Variants in HCFC1R1 observed in about 807,000 individuals in gnomAD.
HCFC1R1 encodes host cell factor C1 regulator 1.
A neutral mutation model predicts 13.3 loss-of-function variants in HCFC1R1; 17 were observed. The ratio of observed to expected loss-of-function variants is 1.28; its 90% CI spans 0.87 to 1.91. The LOEUF is 1.91. Ranked by LOEUF, HCFC1R1 falls within the 40% of genes most tolerant of loss-of-function variation. HCFC1R1 has a pLI of 0.00. For missense variants in HCFC1R1, 218 were observed against 177.9 expected, an observed-to-expected ratio of 1.23 and a Z score of -1.28; for synonymous variants, 87 against 71.1, an observed-to-expected ratio of 1.22 and a Z score of -1.12.
At position 3,023,481 on chromosome 16, in the gene HCFC1R1, C is replaced by T; in HGVS notation, c.145G>A (p.Glu49Lys). Residue 49 changes from glutamate (E) to lysine (K), a missense_variant, in exon 2 of 4, where the codon GAG (glutamate) becomes AAG (lysine). Coordinates refer to ENST00000248089, the MANE Select transcript of HCFC1R1 (RefSeq NM_017885.4). ...VPMSTKRRLEEEQEPLRKQFL... is the reference protein window; with the variant it reads ...VPMSTKRRLEKEQEPLRKQFL... The stretch of plus-strand genomic sequence containing the variant: ...CCCTGCCCCCAAACTCACTGCTCCT[C>T]CTCCAGGCGCCGCTTGGTGCTCATG... 1.2e-6 allele frequency: 2 copies of T among 1,612,704 alleles called. No homozygotes were observed. The highest frequency in any genetic ancestry group is 2.2e-5 in the South Asian group (2 of 91,032).
chr16:3,023,839 A>AC lies in HCFC1R1; in HGVS notation c.95+7dup, dbSNP rs772933847. 4 of 1,537,506 alleles carry AC rather than the reference A, an allele frequency of 2.6e-6. No homozygotes were observed. The East Asian group carries it at 9.7e-5, about 37-fold the overall frequency. On this transcript the variant is annotated splice_region_variant and intron_variant, in intron 1 of 3. Transcript: ENST00000248089. ...TTGGTCAGGCCCACCCTGGTCCCCTACACGCACCTGGCGTCCAGGCCCCAA... is the reference window on the plus strand; with the variant it reads ...TTGGTCAGGCCCACCCTGGTCCCCTACCACGCACCTGGCGTCCAGGCCCCAA...
chr16:3,023,443 G>C, intron 2 of HCFC1R1, 31 bp downstream of exon 2: 3 of 1,613,852 alleles, frequency 1.9e-6, no homozygotes, highest in Non-Finnish European at 2.5e-6. Flanking sequence ...CAGAGATCTT[G>C]TTGGGAGTCC....
rs748753546 is a variant in HCFC1R1, at chr16:3,023,330, C to T, written c.184G>A (p.Glu62Lys). ...TGAGAGAAGTGGGTGGCCATGTTCTCCTCAGACAGAAACTGCTTGCGCAGA... is the reference window on the plus strand; with the variant it reads ...TGAGAGAAGTGGGTGGCCATGTTCTTCTCAGACAGAAACTGCTTGCGCAGA... ...EPLRKQFLSE[E>K]NMATHFSQLS... is the part of the protein sequence containing the mutation. Residue 62 changes from glutamate to lysine, a missense_variant, in exon 3 of 4, where the codon GAG (glutamate) becomes AAG (lysine). Coordinates refer to ENST00000248089, the MANE Select transcript of HCFC1R1 (RefSeq NM_017885.4). The T allele has an allele frequency of 6.2e-7, 1 of 1,604,676 alleles. No homozygotes were observed. The highest frequency in any genetic ancestry group is 1.7e-5 in the Admixed American group (1 of 59,382).
chr16:3,022,942 G>A lies in HCFC1R1; in HGVS notation c.338C>T (p.Ala113Val), dbSNP rs1292968557. Reference protein sequence around the residue: ...WRYPGSLIPEALRLLRLGDTP... With the variant: ...WRYPGSLIPEVLRLLRLGDTP... ...GTCCCCCAGCCTCAGCAGACGGAGG[G>A]CCTCAGGGATGAGGCTGCCAGGATA... Residue 113 changes from alanine to valine, a missense_variant, in exon 4 of 4, where the codon GCC (alanine) becomes GTC (valine). By Grantham distance (64) the Ala-to-Val change is moderately conservative. Transcript: ENST00000248089. The A allele has an allele frequency of 1.1e-5, 18 of 1,577,334 alleles. No individual in the cohort carries two copies. The highest frequency in any genetic ancestry group is 2.0e-5 in the Admixed American group (1 of 48,858).
chr16:3,022,822 T>G lies in HCFC1R1; in HGVS notation c.*41A>C. 2 of 1,459,322 alleles carry G rather than the reference T, an allele frequency of 1.4e-6. No individual in the cohort carries two copies. The highest frequency in any genetic ancestry group is 1.8e-6 in the Non-Finnish European group (2 of 1,110,502). The allele number at this position is 1,459,322 out of a possible 1,614,324, so 90.4% of individuals were successfully genotyped here. A position where few individuals can be genotyped will look rare whatever the true frequency, so the allele number is the denominator to read the frequency against. ...CGGGAGTCGCTGGTCTCTTCTGTTG[T>G]GGGGAAGAAGGAAGGTGGGAGGGGC... On this transcript the variant is annotated 3_prime_UTR_variant, in exon 4 of 4. Coordinates refer to ENST00000248089, the MANE Select transcript of HCFC1R1 (RefSeq NM_017885.4).
chr16:3,024,180 C>A, upstream of HCFC1R1: 2 of 985,380 alleles, frequency 2.0e-6, no homozygotes, highest in Admixed American at 2.2e-5. Context: ...GCGGCGCTCA[C>A]CTCGGCTCCT....
chr16:3,023,157 G>C, intron 3 of HCFC1R1, 76 bp downstream of exon 3: 1 of 1,502,096 alleles, frequency 6.7e-7, no homozygotes, highest in Non-Finnish European at 9.0e-7. Flanking sequence ...AAAATGGCAC[G>C]ATGAGGCAGG....
chr16:3,023,565 T>C (rs1219932007), intron 1 of HCFC1R1, 35 bp from the exon 2 acceptor site: 23 of 1,530,984 alleles, frequency 1.5e-5, no homozygotes, highest in Non-Finnish European at 1.7e-5. Context: ...CACCCCACCC[T>C]CTTGGCCCCT....
Position 3,023,833 on chromosome 16 carries a change from TC to T in HCFC1R1, c.95+13del. 6.5e-7 allele frequency: 1 copy of T among 1,532,978 alleles called. No individual in the cohort carries two copies. The allele number at this position is 1,532,978 out of a possible 1,614,324, so 95.0% of individuals were successfully genotyped here. ...CGGCCCTTGGTCAGGCCCACCCTGGTCCCCTACACGCACCTGGCGTCCAGGC... is the reference window on the plus strand; with the variant it reads ...CGGCCCTTGGTCAGGCCCACCCTGGTCCCTACACGCACCTGGCGTCCAGGC... On this transcript the variant is annotated intron_variant, in intron 1 of 3. Coordinates refer to ENST00000248089, the MANE Select transcript of HCFC1R1 (RefSeq NM_017885.4).
chr16:3,023,868 AC>A lies in HCFC1R1; in HGVS notation c.73del (p.Val25Ter). ...GCACCTGGCGTCCAGGCCCCAAGTC[AC>A]CCCCAAGGCGGCCCGCGGGAGGCGC... is the stretch of plus-strand genomic sequence containing the variant. ...AQRLPRAALGVTWGLDASSPL... is the reference protein window; with the variant it reads ...AQRLPRAALGXTWGLDASSPL... On this transcript the variant is annotated frameshift_variant, in exon 1 of 4. Transcript: ENST00000248089. LOFTEE classifies it high-confidence loss of function. 2 of 1,548,148 alleles carry A rather than the reference AC, an allele frequency of 1.3e-6. No homozygotes were observed.
In HCFC1R1 at chr16:3,022,903, G is replaced by C. The variant is rs144052044; in HGVS notation, c.377C>G (p.Pro126Arg). Residue 126 changes from proline to arginine, a missense_variant, in exon 4 of 4, where the codon CCC (proline) becomes CGC (arginine). Transcript: ENST00000248089. Reference protein sequence around the residue: ...LLRLGDTPSPPYPATPAGDIM... With the variant: ...LLRLGDTPSPRYPATPAGDIM... ...GTCCCCAGCTGGGGTTGCAGGGTAG[G>C]GGGGACTGGGGGTGTCCCCCAGCCT... The C allele has an allele frequency of 1.3e-6, 2 of 1,558,498 alleles. No homozygotes were observed. The highest frequency in any genetic ancestry group is 4.8e-5 in the East Asian group (2 of 41,478).
rs774942155 is a variant in HCFC1R1, at chr16:3,022,904, G to A, written c.376C>T (p.Pro126Ser). The stretch of plus-strand genomic sequence containing the variant: ...TCCCCAGCTGGGGTTGCAGGGTAGG[G>A]GGGACTGGGGGTGTCCCCCAGCCTC... ...LLRLGDTPSP[P>S]YPATPAGDIM... Residue 126 changes from proline to serine, a missense_variant, in exon 4 of 4, where the codon CCC (proline) becomes TCC (serine). Physicochemically the swap from Pro to Ser is moderately conservative, Grantham distance 74. Coordinates refer to ENST00000248089, the MANE Select transcript of HCFC1R1 (RefSeq NM_017885.4). 1.3e-6 allele frequency: 2 copies of A among 1,558,524 alleles called. No homozygotes were observed. Among genetic ancestry groups the A allele is most frequent in the Non-Finnish European group, 1.7e-6 (2 of 1,163,392 alleles).
upstream of HCFC1R1, chr16:3,024,274 G>A (rs2072721613): frequency 1.2e-6 from 2 of 1,612,560 alleles, no homozygotes; most frequent in Non-Finnish European, 1.7e-6. Context: ...GGCACGTAAG[G>A]CCTCGTGAGG....
At chr16:3,023,129 A>G in intron 3 of HCFC1R1, 104 bp downstream of exon 3, 3 of 1,505,982 alleles carry the variant, frequency 2.0e-6, no homozygotes, top group Non-Finnish European at 2.7e-6. Context: ...GAAACAACCC[A>G]GAGGTCAGCT....
intron 3 of HCFC1R1, 43 bp downstream of exon 3, chr16:3,023,190 C>G: frequency 6.5e-7 from 1 of 1,527,240 alleles, no homozygotes; most frequent in South Asian, 1.3e-5. Flanking sequence ...CTGTGAGGAC[C>G]GCCTGTGATT....
Position 3,023,336 on chromosome 16 carries a change from A to G in HCFC1R1, c.178T>C (p.Ser60Pro). The change falls in exon 3 of 4, where the codon TCT becomes CCT. Residue 60 changes from serine to proline, a missense_variant. By Grantham distance (74) the Ser-to-Pro change is moderately conservative. Coordinates refer to ENST00000248089, the MANE Select transcript of HCFC1R1 (RefSeq NM_017885.4). ...AAGTGGGTGGCCATGTTCTCCTCAG[A>G]CAGAAACTGCTTGCGCAGAGGCTCC... ...EQEPLRKQFL[S>P]EENMATHFSQ... 6.2e-7 allele frequency: 1 copy of G among 1,606,558 alleles called. No individual in the cohort carries two copies.
At chr16:3,024,241 C>A, upstream of HCFC1R1, 1 of 1,556,324 alleles carries the variant, frequency 6.4e-7, no homozygotes, top group Non-Finnish European at 8.8e-7. Flanking sequence ...GGCGGTAGGG[C>A]GCCACGGAGA....
chr16:3,022,877 TG>T lies in HCFC1R1; in HGVS notation c.402del (p.Asp134GlufsTer2), dbSNP rs2072642523. The T allele has an allele frequency of 6.5e-7, 1 of 1,528,800 alleles. No homozygotes were observed. The highest frequency in any genetic ancestry group is 1.5e-5 in the African/African-American group (1 of 68,932). The allele number at this position is 1,528,800 out of a possible 1,614,324, so 94.7% of individuals were successfully genotyped here. ...TCCACCAGCACTCAGAGCTCCATTATGTCCCCAGCTGGGGTTGCAGGGTAGG... is the reference window on the plus strand; with the variant it reads ...TCCACCAGCACTCAGAGCTCCATTATTCCCCAGCTGGGGTTGCAGGGTAGG... ...SPPYPATPAG[D>X]IMEL On this transcript the variant is annotated frameshift_variant, in exon 4 of 4. Coordinates refer to ENST00000248089, the MANE Select transcript of HCFC1R1 (RefSeq NM_017885.4). LOFTEE classifies it high-confidence loss of function.
At chr16:3,024,226 C>A, upstream of HCFC1R1, 1 of 1,497,404 alleles carries the variant, frequency 6.7e-7, no homozygotes, top group Non-Finnish European at 9.2e-7. Flanking sequence ...CACCTTCGCG[C>A]CGAAGGCGGT....
Sources: gnomAD v4.1 joint callset for allele counts on GRCh38, gnomAD v4.1.1 for gene constraint, MANE v1.5 for transcripts, NCBI Gene and HGNC (gene_info 2026-07-23, HGNC 2026-07-21) for gene names.